The following LINC00305 variants were observed in gnomAD, a reference collection of about 807,000 sequenced individuals.
LINC00305 encodes long independently transcribed non-coding RNA 305.
At chr18:64,116,653 C>G (rs2051339220) in intron 1 of LINC00305, among the ~76,000 whole-genome samples, 1 of 152,130 alleles carries the variant, frequency 6.6e-6, no homozygotes, top group African/African-American at 2.4e-5. Context: ...GATGCTTTGA[C>G]ACATGCAGAC....
At chr18:64,099,412 G>A (rs1416200454) in intron 1 of LINC00305, among the ~76,000 whole-genome samples, 6 of 152,168 alleles carry the variant, frequency 3.9e-5, no homozygotes, top group Non-Finnish European at 8.8e-5. Context: ...GTCAGCAGAT[G>A]TTTAAAACCT....
chr18:64,108,643 C>A (rs577574211), intron 1 of LINC00305, among the ~76,000 whole-genome samples: 1 of 152,262 alleles, frequency 6.6e-6, no homozygotes, highest in African/African-American at 2.4e-5. Flanking sequence ...TGAGAAACAA[C>A]CCTTATCTGT....
chr18:64,110,544 A>T (rs146047988), intron 1 of LINC00305, among the ~76,000 whole-genome samples: 1 of 152,168 alleles, frequency 6.6e-6, no homozygotes, highest in Admixed American at 6.5e-5. Context: ...TAAATGGGAC[A>T]TTTTTTGAAG....
intron 2 of LINC00305, chr18:64,098,524 A>T (rs1248877050): frequency 4.6e-6 from 2 of 435,508 alleles, no homozygotes; most frequent in Admixed American, 2.8e-5. Flanking sequence ...AATAGGGTTA[A>T]TTTTTTTCTT....
chr18:64,099,101 T>C (rs372375189), intron 1 of LINC00305, among the ~76,000 whole-genome samples: 2 of 152,174 alleles, frequency 1.3e-5, no homozygotes, highest in South Asian at 2.1e-4. Flanking sequence ...TTATCACCAA[T>C]CATTCATTTA....
At chr18:64,108,306 G>C (rs2051300131) in intron 1 of LINC00305, among the ~76,000 whole-genome samples, 1 of 152,156 alleles carries the variant, frequency 6.6e-6, no homozygotes, top group Non-Finnish European at 1.5e-5. Context: ...GGGGTGCTTG[G>C]AAAATGAGAG....
intron 1 of LINC00305, among the ~76,000 whole-genome samples, chr18:64,140,055 C>T (rs1056506859): frequency 6.6e-5 from 10 of 152,052 alleles, no homozygotes; most frequent in African/African-American, 1.9e-4. Flanking sequence ...GCTATTCCCT[C>T]GACTCAGGAT....
At chr18:64,117,249 A>G (rs2051341867) in intron 1 of LINC00305, among the ~76,000 whole-genome samples, 2 of 152,188 alleles carry the variant, frequency 1.3e-5, no homozygotes, top group Admixed American at 6.5e-5. Flanking sequence ...TCATCCCCAA[A>G]GCCTTCCAGG....
chr18:64,148,558 G>A (rs950858629), intron 1 of LINC00305, among the ~76,000 whole-genome samples: 1 of 152,142 alleles, frequency 6.6e-6, no homozygotes, highest in African/African-American at 2.4e-5. Context: ...CTCCAAAGAA[G>A]TGGGGAAGGA....
intron 3 of LINC00305, among the ~76,000 whole-genome samples, chr18:64,093,205 G>C (rs2051231783): frequency 6.6e-6 from 1 of 152,148 alleles, no homozygotes; most frequent in Non-Finnish European, 1.5e-5. Flanking sequence ...TAAGTATCTA[G>C]AGATAATCAA....
At chr18:64,142,138 A>G (rs1302326021) in intron 1 of LINC00305, among the ~76,000 whole-genome samples, 2 of 152,116 alleles carry the variant, frequency 1.3e-5, no homozygotes, top group African/African-American at 4.8e-5. Context: ...GTGGCTCAAC[A>G]TTTTCCCCAA....
intron 1 of LINC00305, among the ~76,000 whole-genome samples, chr18:64,146,768 G>C (rs531824061): frequency 4.6e-5 from 7 of 152,300 alleles, no homozygotes; most frequent in African/African-American, 1.4e-4. Flanking sequence ...AACACATGCT[G>C]TGGGGGACTG....
intron 1 of LINC00305, among the ~76,000 whole-genome samples, chr18:64,138,866 C>A (rs1038257989): frequency 6.6e-6 from 1 of 152,176 alleles, no homozygotes; most frequent in African/African-American, 2.4e-5. Flanking sequence ...GTTGGTCGTG[C>A]GCCTGGAACG....
At chr18:64,113,940 G>A (rs957546946) in intron 1 of LINC00305, among the ~76,000 whole-genome samples, 7 of 152,126 alleles carry the variant, frequency 4.6e-5, no homozygotes, top group African/African-American at 1.7e-4. Context: ...AAAATCTTAA[G>A]CAGAGTTTTA....
chr18:64,111,911 A>C (rs1261885516), intron 1 of LINC00305, among the ~76,000 whole-genome samples: 1 of 152,212 alleles, frequency 6.6e-6, no homozygotes, highest in East Asian at 1.9e-4. Flanking sequence ...CTTATCACAA[A>C]ATCAAGGACC....
chr18:64,145,857 A>G (rs1266575014), intron 1 of LINC00305, among the ~76,000 whole-genome samples: 2 of 152,182 alleles, frequency 1.3e-5, no homozygotes, highest in African/African-American at 2.4e-5. Flanking sequence ...ATATACCCTC[A>G]AAGTTAGGTT....
At chr18:64,126,045 G>A (rs983911810) in intron 1 of LINC00305, among the ~76,000 whole-genome samples, 1 of 151,688 alleles carries the variant, frequency 6.6e-6, no homozygotes, top group Non-Finnish European at 1.5e-5. Context: ...TTGATCTTGG[G>A]CTTCTCAGCC....
At chr18:64,125,869 A>G (rs1359782477) in intron 1 of LINC00305, among the ~76,000 whole-genome samples, 3 of 152,146 alleles carry the variant, frequency 2.0e-5, no homozygotes, top group Non-Finnish European at 4.4e-5. Context: ...TAATTATAAA[A>G]GGGAGAGTTT....
intron 3 of LINC00305, among the ~76,000 whole-genome samples, chr18:64,086,420 G>A (rs2051203707): frequency 6.6e-6 from 1 of 152,100 alleles, no homozygotes; most frequent in Non-Finnish European, 1.5e-5. Context: ...TTGATAATGT[G>A]GATAGGAACA....
Sources: allele counts gnomAD v4.1 joint callset (sites outside exome capture counted in the v4.1 genomes callset), GRCh38; gene constraint gnomAD v4.1.1; transcripts MANE v1.5; gene names NCBI Gene and HGNC (gene_info 2026-07-23, HGNC 2026-07-21).